The following TMEM65 variants were observed in gnomAD, a reference collection of about 807,000 sequenced individuals.
The protein encoded by TMEM65 is transmembrane protein 65.
In TMEM65, 22 loss-of-function variants were observed where a neutral mutation model predicts 25.4. The observed-to-expected ratio is 0.86, with a 90% CI of 0.62 to 1.23. TMEM65 has a LOEUF of 1.23. Among genes scored for constraint, TMEM65 ranks in the 50% most tolerant of loss-of-function variants. The probability of loss-of-function intolerance (pLI) is 0.00; values close to 1 mark genes in which losing one functional copy is unlikely to be tolerated. For missense variants in TMEM65, 262 were observed against 308.2 expected, an observed-to-expected ratio of 0.85 and a Z score of 1.12; for synonymous variants, 132 against 126.2, an observed-to-expected ratio of 1.05 and a Z score of -0.31.
intron 1 of TMEM65, among the ~76,000 whole-genome samples, chr8:124,363,687 AT>A (rs1382008425): frequency 2.6e-5 from 4 of 151,730 alleles, no homozygotes; most frequent in African/African-American, 9.7e-5. Context: ...AATACAAAAA[AT>A]TAGCCGGGCG....
At chr8:124,353,874 A>T (rs1474835424) in intron 1 of TMEM65, among the ~76,000 whole-genome samples, 1 of 152,238 alleles carries the variant, frequency 6.6e-6, no homozygotes, top group Non-Finnish European at 1.5e-5. Flanking sequence ...ATAGACTCAA[A>T]GTATCACTTC....
Position 124,308,716 on chromosome 8 carries a change from G to A in TMEM65, c.*5244C>T, listed in dbSNP as rs554383704. On this transcript the variant is annotated 3_prime_UTR_variant, in exon 7 of 7. Transcript: ENST00000297632. ...TGAATCAGTGCCACAGAATGAGGAG[G>A]AAGACATTTAGAAGCAGTGCCAGAA... 2 of 152,306 alleles carry A rather than the reference G, an allele frequency of 1.3e-5. No homozygotes were observed. Among genetic ancestry groups the A allele is most frequent in the South Asian group, 2.1e-4 (1 of 4,824 alleles). 9.4% of individuals were successfully genotyped at this position (152,306 alleles called of 1,614,324 possible). A position where few individuals can be genotyped will look rare whatever the true frequency, so the allele number is the denominator to read the frequency against.
Position 124,372,659 on chromosome 8 carries a change from C to CGCA in TMEM65, c.-505_-503dup. On this transcript the variant is annotated 5_prime_UTR_variant, in exon 1 of 7. Transcript: ENST00000297632. ...CCTCAAAGCAGCCGCGCTCCCGAGC[C>CGCA]GCAGCCGCCGCCGCCGCCGCTACCC... 1 of 137,986 alleles carries CGCA rather than the reference C, an allele frequency of 7.2e-6. No individual in the cohort carries two copies. The highest frequency in any genetic ancestry group is 1.5e-5 in the Non-Finnish European group (1 of 68,124). 8.5% of individuals were successfully genotyped at this position (137,986 alleles called of 1,614,324 possible).
chr8:124,330,772 G>A lies in TMEM65; in HGVS notation c.325C>T (p.Pro109Ser). The stretch of plus-strand genomic sequence containing the variant: ...CCATATCTCAGCTGTCCTGGGGTGG[G>A]TGGTGGAGCTTCCAATTTTTCTAAA... ...IAQEKLEAPP[P>S]TPGQLRYVFI... Residue 109 changes from proline to serine, a missense_variant, in exon 2 of 7, where the codon CCC (proline) becomes TCC (serine). Transcript: ENST00000297632. The A allele has an allele frequency of 6.3e-7, 1 of 1,581,950 alleles. No individual in the cohort carries two copies. Among genetic ancestry groups the A allele is most frequent in the Non-Finnish European group, 8.6e-7 (1 of 1,167,748 alleles).
rs1814111032 is a variant in TMEM65 at position 124,307,771 on chromosome 8, G to C, written c.*6189C>G. ...AGAAGAGGCAGCTCCTGATGACCAA[G>C]AGGCAGCAAATGAGTTCCCAGATGC... On this transcript the variant is annotated 3_prime_UTR_variant, in exon 7 of 7. Transcript: ENST00000297632. 1 of 152,148 alleles carries C rather than the reference G, an allele frequency of 6.6e-6. No individual in the cohort carries two copies. The highest frequency in any genetic ancestry group is 1.5e-5 in the Non-Finnish European group (1 of 68,042). The allele number at this position is 152,148 out of a possible 1,614,324, so 9.4% of individuals were successfully genotyped here. A position where few individuals can be genotyped will look rare whatever the true frequency, so the allele number is the denominator to read the frequency against.
rs540103095 is a variant in TMEM65 at position 124,371,892 on chromosome 8, T to C, written c.266A>G (p.Lys89Arg). 1.0e-5 allele frequency: 16 copies of C among 1,549,998 alleles called. No individual in the cohort carries two copies. The East Asian group carries it at 3.9e-4, about 37-fold the overall frequency. Residue 89 changes from lysine (K) to arginine (R), a missense_variant, in exon 1 of 7, where the codon AAA becomes AGA. Physicochemically the swap from Lys to Arg is conservative, Grantham distance 26. Coordinates refer to ENST00000297632, the MANE Select transcript of TMEM65 (RefSeq NM_194291.3). The part of the protein sequence containing the change: ...LHSTERSCLL[K>R]ELHRFESIAI... The stretch of plus-strand genomic sequence containing the variant: ...AATAGACTCGAAGCGGTGCAGCTCT[T>C]TGAGCAGGCAGCTCCTCTCCGTGGA...
At chr8:124,353,391 C>T (rs781747037) in intron 1 of TMEM65, among the ~76,000 whole-genome samples, 28 of 152,160 alleles carry the variant, frequency 1.8e-4, no homozygotes, top group African/African-American at 4.6e-4. Context: ...AGAACATGCC[C>T]TGTGTTATTA....
intron 1 of TMEM65, among the ~76,000 whole-genome samples, chr8:124,345,508 T>C (rs1248210872): frequency 6.6e-6 from 1 of 152,224 alleles, no homozygotes; most frequent in Admixed American, 6.5e-5. Flanking sequence ...TTCTACATTT[T>C]AGCCTCCATC....
chr8:124,357,829 C>CTTTTTTTTTTTTTTTT (rs35830531), intron 1 of TMEM65, among the ~76,000 whole-genome samples: 1 of 105,846 alleles, frequency 9.4e-6, no homozygotes, highest in African/African-American at 3.7e-5. Context: ...ACTTTTTTAT[C>CTTTTTTTTTTTTTTTT]TTTTTTTTTT....
At chr8:124,363,858 A>AAC in intron 1 of TMEM65, among the ~76,000 whole-genome samples, 1 of 150,368 alleles carries the variant, frequency 6.7e-6, no homozygotes, top group African/African-American at 2.4e-5. Context: ...AAAAAAAAAA[A>AAC]AAAAAAAAAC....
chr8:124,344,507 G>T (rs992410440), intron 1 of TMEM65, among the ~76,000 whole-genome samples: 33 of 152,290 alleles, frequency 2.2e-4, no homozygotes, highest in African/African-American at 7.9e-4. Context: ...GTTTCAGACA[G>T]CATCATTCCT....
At chr8:124,323,397 A>G in intron 3 of TMEM65, 22 bp from the exon 4 acceptor site, 1 of 1,356,268 alleles carries the variant, frequency 7.4e-7, no homozygotes, top group South Asian at 1.3e-5. Flanking sequence ...TAAAAAATTA[A>G]TCTTAAAAAT....
At chr8:124,341,835 TG>T (rs1814586846) in intron 1 of TMEM65, among the ~76,000 whole-genome samples, 2 of 151,986 alleles carry the variant, frequency 1.3e-5, no homozygotes, top group African/African-American at 2.4e-5. Flanking sequence ...TTTTTTTTTT[TG>T]ACCTCAACTT....
intron 1 of TMEM65, among the ~76,000 whole-genome samples, chr8:124,370,252 C>T (rs569850072): frequency 5.9e-5 from 9 of 152,228 alleles, no homozygotes; most frequent in African/African-American, 1.4e-4. Flanking sequence ...AGAACTGCCA[C>T]AAAACTATAT....
chr8:124,369,480 T>G (rs1814983068), intron 1 of TMEM65, among the ~76,000 whole-genome samples: 1 of 152,232 alleles, frequency 6.6e-6, no homozygotes. Flanking sequence ...ACAAGCACCC[T>G]TTCCAAAGAC....
At chr8:124,330,845 T>G (rs1180085028) in intron 1 of TMEM65, 53 bp from the exon 2 acceptor site, 1 of 1,463,798 alleles carries the variant, frequency 6.8e-7, no homozygotes, top group East Asian at 2.5e-5. Context: ...CAGCGTGATA[T>G]TTTTTATTAC....
chr8:124,364,059 G>A (rs117383466), intron 1 of TMEM65, among the ~76,000 whole-genome samples: 3,128 of 152,038 alleles, frequency 0.021, 62 homozygotes, highest in Middle Eastern at 0.044. Flanking sequence ...TAGTACAAGA[G>A]CTAGAGTCAA....
intron 1 of TMEM65, among the ~76,000 whole-genome samples, chr8:124,343,549 C>T (rs1814607455): frequency 6.6e-6 from 1 of 152,086 alleles, no homozygotes; most frequent in Non-Finnish European, 1.5e-5. Flanking sequence ...AGTAAAATTT[C>T]AGGACCTCGA....
At chr8:124,371,713 G>A (rs528218470) in intron 1 of TMEM65, 141 bp downstream of exon 1, 16 of 817,458 alleles carry the variant, frequency 2.0e-5, no homozygotes, top group Non-Finnish European at 2.8e-5. Flanking sequence ...CGTCCCAGGC[G>A]TGGGGCCAGA....
Sources: allele counts gnomAD v4.1 joint callset (sites outside exome capture counted in the v4.1 genomes callset), GRCh38; gene constraint gnomAD v4.1.1; transcripts MANE v1.5; gene names NCBI Gene and HGNC (gene_info 2026-07-23, HGNC 2026-07-21).